Variants in RAB27B observed in about 807,000 individuals in gnomAD.
RAB27B encodes the protein ras-related protein Rab-27B.
A neutral mutation model predicts 24.6 loss-of-function variants in RAB27B; 15 were observed. The observed-to-expected ratio is 0.61, with a 90% confidence interval of 0.41 to 0.94. The LOEUF is 0.94. RAB27B is among the 40% of genes least tolerant of loss of function. The pLI is 0.00. For missense variants in RAB27B, 261 were observed against 266.8 expected (o/e 0.98, Z 0.15); for synonymous variants, 105 against 92.5 (o/e 1.14, Z -0.78).
chr18:54,749,015 G>A (rs1400525659), intron 2 of RAB27B, among the ~76,000 whole-genome samples: 1 of 133,882 alleles, frequency 7.5e-6, no homozygotes, highest in Non-Finnish European at 1.6e-5. Context: ...TTATTATGCA[G>A]GTAAAGTTCC....
chr18:54,749,663 A>AT (rs1270260610), intron 2 of RAB27B, among the ~76,000 whole-genome samples: 1 of 152,214 alleles, frequency 6.6e-6, no homozygotes, highest in Non-Finnish European at 1.5e-5. Flanking sequence ...AGAATGTTAT[A>AT]TTTTTTAAAA....
At position 54,799,614 on chromosome 18, in the gene RAB27B, A is replaced by ATTTTTTTT. The variant is rs869256244; in HGVS notation, c.-19-77926_-19-77919dup. Among the ~76,000 whole-genome samples the ATTTTTTTT allele has an allele frequency of 5.0e-4, 34 of 67,578 alleles. 1 individual carries two copies. Among genetic ancestry groups the ATTTTTTTT allele is most frequent in the African/African-American group, 2.0e-3 (34 of 16,616 alleles). 44.3% of individuals were successfully genotyped at this position (67,578 alleles called of 152,430 possible). On this transcript the variant is annotated intron_variant, in intron 2 of 4. Transcript: ENST00000586570. ...AAATATCAGAATATATAATAAAATG[A>ATTTTTTTT]TTTTTTTTTTTTTTTTTTTTTTTTT...
chr18:54,855,329 C>G (rs190860934), intron 1 of RAB27B, among the ~76,000 whole-genome samples: 5 of 152,304 alleles, frequency 3.3e-5, no homozygotes, highest in African/African-American at 1.2e-4. Context: ...TCCTAACAGG[C>G]CACTGACCAA....
At chr18:54,793,485 CAGAG>C (rs34163027) in intron 2 of RAB27B, among the ~76,000 whole-genome samples, 3 of 151,336 alleles carry the variant, frequency 2.0e-5, no homozygotes, top group African/African-American at 4.9e-5. Context: ...TGACAGTCAA[CAGAG>C]AGAGAGAGAG....
At chr18:54,804,067 A>G (rs1220130743) in intron 2 of RAB27B, among the ~76,000 whole-genome samples, 2 of 152,202 alleles carry the variant, frequency 1.3e-5, no homozygotes, top group Non-Finnish European at 2.9e-5. Flanking sequence ...GGTCAGTCCC[A>G]TTGATGGCCT....
chr18:54,757,961 T>C (rs1908059101), intron 2 of RAB27B, among the ~76,000 whole-genome samples: 1 of 152,180 alleles, frequency 6.6e-6, no homozygotes, highest in Non-Finnish European at 1.5e-5. Context: ...TTATCTGGCA[T>C]GCCTCTACAA....
chr18:54,849,161 C>T (rs1315386019), intron 1 of RAB27B, among the ~76,000 whole-genome samples: 3 of 152,158 alleles, frequency 2.0e-5, no homozygotes. Flanking sequence ...CTGCCTGAAC[C>T]TCCATGGGCC....
At chr18:54,760,157 C>T (rs374694379) in intron 2 of RAB27B, among the ~76,000 whole-genome samples, 9 of 152,162 alleles carry the variant, frequency 5.9e-5, no homozygotes, top group South Asian at 4.2e-4. Flanking sequence ...CTACTCCTGC[C>T]GGTGACCAGA....
In RAB27B at chr18:54,890,304, C is replaced by G. The variant is rs1349763262; in HGVS notation, c.*891C>G. 6.6e-6 allele frequency: 1 copy of G among 152,102 alleles called. No individual in the cohort carries two copies. Among genetic ancestry groups the G allele is most frequent in the African/African-American group, 2.4e-5 (1 of 41,440 alleles). 9.4% of individuals were successfully genotyped at this position (152,102 alleles called of 1,614,324 possible). ...TAGAAATTGGTTTGGTGTTCAGCTT[C>G]ACATTTCATTTTTTCTTAGCACATG... On this transcript the variant is annotated 3_prime_UTR_variant, in exon 6 of 6. Transcript: ENST00000262094.
intron 2 of RAB27B, among the ~76,000 whole-genome samples, chr18:54,729,090 T>G (rs4801024): frequency 0.7 from 105,427 of 151,588 alleles, 37,329 homozygotes; most frequent in Non-Finnish European, 0.78. Context: ...GATGGACTTT[T>G]TCACAGGCTG....
chr18:54,772,545 C>T (rs1042982837), intron 2 of RAB27B, among the ~76,000 whole-genome samples: 5 of 152,126 alleles, frequency 3.3e-5, no homozygotes, highest in Admixed American at 2.0e-4. Flanking sequence ...TCGTTTTAAT[C>T]GTTATATGCA....
At chr18:54,721,950 T>C (rs973547897) in intron 2 of RAB27B, among the ~76,000 whole-genome samples, 4 of 152,182 alleles carry the variant, frequency 2.6e-5, no homozygotes, top group African/African-American at 7.2e-5. Context: ...CCTGCTGCAG[T>C]TTAAATCCAT....
At chr18:54,733,211 A>G (rs551926708) in intron 2 of RAB27B, among the ~76,000 whole-genome samples, 1 of 152,086 alleles carries the variant, frequency 6.6e-6, no homozygotes, top group Non-Finnish European at 1.5e-5. Context: ...ATGCCTGGCT[A>G]ATTTTTAAAA....
At chr18:54,771,376 T>C (rs1416455991) in intron 2 of RAB27B, among the ~76,000 whole-genome samples, 1 of 152,184 alleles carries the variant, frequency 6.6e-6, no homozygotes, top group Non-Finnish European at 1.5e-5. Context: ...CTCAGGGTCT[T>C]GGCTAGATTG....
intron 2 of RAB27B, among the ~76,000 whole-genome samples, chr18:54,759,889 G>A (rs958340468): frequency 1.3e-5 from 2 of 152,122 alleles, no homozygotes; most frequent in African/African-American, 4.8e-5. Context: ...CCCCTTTCCA[G>A]CTCCTTATAC....
intron 2 of RAB27B, among the ~76,000 whole-genome samples, chr18:54,733,047 T>C (rs1480870133): frequency 6.6e-6 from 1 of 152,176 alleles, no homozygotes. Context: ...GAAGTCTTTT[T>C]ATTTTTTATT....
intron 2 of RAB27B, among the ~76,000 whole-genome samples, chr18:54,794,222 A>G (rs1332213130): frequency 6.6e-6 from 1 of 152,244 alleles, no homozygotes; most frequent in African/African-American, 2.4e-5. Context: ...AGTAGCTATT[A>G]TAGCACCCTG....
intron 2 of RAB27B, among the ~76,000 whole-genome samples, chr18:54,739,164 C>A (rs777065083): frequency 8.9e-4 from 135 of 152,214 alleles, no homozygotes; most frequent in Non-Finnish European, 1.4e-3. Context: ...TATAGAAATA[C>A]TACCTTTTGG....
chr18:54,810,842 A>G (rs1331431652), intron 2 of RAB27B, among the ~76,000 whole-genome samples: 1 of 95,470 alleles, frequency 1.0e-5, no homozygotes, highest in African/African-American at 4.1e-5. Context: ...CAAAATAAAT[A>G]AATAAATAAA....
Sources: allele counts gnomAD v4.1 joint callset (sites outside exome capture counted in the v4.1 genomes callset), GRCh38; gene constraint gnomAD v4.1.1; transcripts MANE v1.5; gene names NCBI Gene and HGNC (gene_info 2026-07-23, HGNC 2026-07-21).